ELMO1: variants seen among roughly 807,000 people sequenced by gnomAD.
ELMO1 encodes engulfment and cell motility 1, also known as engulfment and cell motility protein 1.
A neutral mutation model predicts 98.9 loss-of-function variants in ELMO1; 26 were observed. That is an observed-to-expected ratio of 0.26 (90% CI 0.19 to 0.36). The LOEUF (loss-of-function observed/expected upper bound fraction) is 0.36, where lower values mean the gene tolerates loss of function less well. Ranked by LOEUF, ELMO1 falls within the 10% of genes least tolerant of loss-of-function variation. The pLI, the probability that ELMO1 is intolerant of heterozygous loss-of-function variation, is 1.00. For synonymous variants in ELMO1, 346 were observed against 346.0 expected, an observed-to-expected ratio of 1.00 and a Z score of 0.00; for missense variants, 627 against 935.2, an observed-to-expected ratio of 0.67 and a Z score of 4.30.
At chr7:37,356,412 C>G (rs1801497779) in intron 1 of ELMO1, among the ~76,000 whole-genome samples, 1 of 152,162 alleles carries the variant, frequency 6.6e-6, no homozygotes, top group South Asian at 2.1e-4. Context: ...AATTTACACT[C>G]CCACCAACAG....
At chr7:37,159,705 T>A (rs7802876) in intron 13 of ELMO1, among the ~76,000 whole-genome samples, 134,724 of 151,642 alleles carry the variant, frequency 0.89, 60,096 homozygotes, top group Middle Eastern at 0.94. Context: ...TCTCAAAAAA[T>A]AATAATAATA....
chr7:36,969,651 TG>T (rs1789749045), intron 16 of ELMO1, among the ~76,000 whole-genome samples: 1 of 152,168 alleles, frequency 6.6e-6, no homozygotes, highest in Non-Finnish European at 1.5e-5. Context: ...AGGAGGTGTG[TG>T]TGCTGTTTAA....
At chr7:37,153,937 C>A (rs920070161) in intron 13 of ELMO1, among the ~76,000 whole-genome samples, 2 of 152,162 alleles carry the variant, frequency 1.3e-5, no homozygotes, top group African/African-American at 4.8e-5. Context: ...GTGGGTGCCC[C>A]TCTGGGACAA....
At chr7:36,974,595 G>C (rs1013380847) in intron 16 of ELMO1, among the ~76,000 whole-genome samples, 2 of 151,206 alleles carry the variant, frequency 1.3e-5, no homozygotes, top group African/African-American at 4.9e-5. Context: ...GCACCAATCA[G>C]CGCCCTGTCA....
At chr7:37,111,313 A>G (rs1785237864) in intron 14 of ELMO1, among the ~76,000 whole-genome samples, 1 of 152,222 alleles carries the variant, frequency 6.6e-6, no homozygotes. Context: ...TATTGCTAAG[A>G]AGAGCAAATG....
intron 14 of ELMO1, among the ~76,000 whole-genome samples, 173 bp from the exon 15 acceptor site, chr7:37,096,900 T>A (rs1784389713): frequency 6.6e-6 from 1 of 152,212 alleles, no homozygotes; most frequent in Non-Finnish European, 1.5e-5. Context: ...AAGTCTCATT[T>A]ATCCCCCCCA....
At chr7:36,998,197 GTC>G (rs1209331830) in intron 16 of ELMO1, among the ~76,000 whole-genome samples, 2 of 152,286 alleles carry the variant, frequency 1.3e-5, no homozygotes, top group Non-Finnish European at 2.9e-5. Flanking sequence ...ATTTTTTGAT[GTC>G]TCTCTTCTTC....
chr7:37,022,833 G>C (rs1221251613), intron 15 of ELMO1, among the ~76,000 whole-genome samples: 1 of 152,144 alleles, frequency 6.6e-6, no homozygotes, highest in Admixed American at 6.6e-5. Context: ...CAATCTAAAT[G>C]TCCATCCAGC....
At chr7:37,372,836 C>T (rs1465553656) in intron 1 of ELMO1, among the ~76,000 whole-genome samples, 1 of 152,206 alleles carries the variant, frequency 6.6e-6, no homozygotes, top group East Asian at 1.9e-4. Context: ...TCTCAACATA[C>T]TTTTTCACCA....
At chr7:37,377,030 C>T (rs1037758083) in intron 1 of ELMO1, among the ~76,000 whole-genome samples, 6 of 152,136 alleles carry the variant, frequency 3.9e-5, no homozygotes, top group Non-Finnish European at 5.9e-5. Flanking sequence ...ACCTAACCTA[C>T]AGGACATTCA....
At chr7:37,156,143 C>T (rs970355267) in intron 13 of ELMO1, among the ~76,000 whole-genome samples, 22 of 152,172 alleles carry the variant, frequency 1.4e-4, no homozygotes, top group Non-Finnish European at 2.1e-4. Flanking sequence ...AAAGACACAA[C>T]GTACCAGAAT....
chr7:37,316,617 A>G (rs546135255), intron 2 of ELMO1, among the ~76,000 whole-genome samples: 50 of 152,268 alleles, frequency 3.3e-4, no homozygotes, highest in African/African-American at 1.1e-3. Context: ...CCTGCCCCCA[A>G]GATAGAAGGA....
chr7:37,229,923 G>T (rs1312670650), intron 8 of ELMO1, among the ~76,000 whole-genome samples: 2 of 151,830 alleles, frequency 1.3e-5, no homozygotes, highest in Non-Finnish European at 2.9e-5. Flanking sequence ...TAATTTCAAT[G>T]AATGAAAAAC....
At chr7:37,374,273 G>A (rs901022912) in intron 1 of ELMO1, among the ~76,000 whole-genome samples, 1 of 152,206 alleles carries the variant, frequency 6.6e-6, no homozygotes, top group Non-Finnish European at 1.5e-5. Context: ...AAGGAGAGGG[G>A]AGGCTGAGGT....
intron 1 of ELMO1, among the ~76,000 whole-genome samples, chr7:37,438,316 G>A (rs141379109): frequency 0.014 from 2,148 of 152,006 alleles, 52 homozygotes; most frequent in African/African-American, 0.047. Flanking sequence ...GGCCGGGCGC[G>A]GTGGCTCATG....
At chr7:36,969,132 G>A (rs1164931374) in intron 16 of ELMO1, among the ~76,000 whole-genome samples, 5 of 152,094 alleles carry the variant, frequency 3.3e-5, no homozygotes, top group South Asian at 4.1e-4. Flanking sequence ...AATTCAGTAT[G>A]TACCTACCTA....
intron 4 of ELMO1, among the ~76,000 whole-genome samples, chr7:37,292,735 G>A (rs1261947433): frequency 2.4e-5 from 2 of 82,374 alleles, no homozygotes; most frequent in African/African-American, 4.5e-5. Context: ...CGGGAGGGAG[G>A]TGGGGGGGTC....
intron 16 of ELMO1, among the ~76,000 whole-genome samples, chr7:36,971,670 G>T (rs1789969096): frequency 6.6e-6 from 1 of 152,204 alleles, no homozygotes; most frequent in South Asian, 2.1e-4. Context: ...TGTTTGGTCA[G>T]CTGTGCTTGG....
intron 16 of ELMO1, among the ~76,000 whole-genome samples, chr7:36,922,539 C>CT (rs1164880277): frequency 6.6e-6 from 1 of 151,950 alleles, no homozygotes; most frequent in Non-Finnish European, 1.5e-5. Flanking sequence ...GGGATCTTTT[C>CT]TTTCTGAAAA....
Sources: allele counts gnomAD v4.1 joint callset (sites outside exome capture counted in the v4.1 genomes callset), GRCh38; gene constraint gnomAD v4.1.1; transcripts MANE v1.5; gene names NCBI Gene and HGNC (gene_info 2026-07-23, HGNC 2026-07-21).